USP28: variants seen among roughly 807,000 people sequenced by gnomAD.
USP28 encodes the protein ubiquitin specific peptidase 28.
A neutral mutation model predicts 145.0 loss-of-function variants in USP28; 113 were observed. The observed-to-expected ratio is 0.78, with a 90% CI of 0.67 to 0.91. USP28 has a LOEUF of 0.91. USP28 is among the 40% of genes least tolerant of loss of function. The probability of loss-of-function intolerance (pLI) is 0.00; values close to 1 mark genes in which losing one functional copy is unlikely to be tolerated. For synonymous variants in USP28, 447 were observed against 450.9 expected, an observed-to-expected ratio of 0.99 and a Z score of 0.11; for missense variants, 1,201 against 1,289.6, an observed-to-expected ratio of 0.93 and a Z score of 1.05.
chr11:113,875,365 C>T, intron 1 of USP28, 80 bp downstream of exon 1: 1 of 1,112,176 alleles, frequency 9.0e-7, no homozygotes, highest in Non-Finnish European at 1.1e-6. Context: ...AGCCCGCAAC[C>T]CGCAGCCCTG....
At chr11:113,804,159 T>C (rs1254298066) in intron 21 of USP28, among the ~76,000 whole-genome samples, 1 of 152,232 alleles carries the variant, frequency 6.6e-6, no homozygotes. Flanking sequence ...ATGTAAAAGA[T>C]ATTCAGCTCT....
chr11:113,874,870 C>T, intron 1 of USP28: 1 of 1,001,952 alleles, frequency 1.0e-6, no homozygotes, highest in Middle Eastern at 5.0e-4. Flanking sequence ...TCCTCCCCCT[C>T]CTTAAAAATC....
chr11:113,823,386 ACT>A (rs1223674789), intron 12 of USP28, among the ~76,000 whole-genome samples: 3 of 152,066 alleles, frequency 2.0e-5, no homozygotes, highest in Non-Finnish European at 4.4e-5. Context: ...TAACTGTGTG[ACT>A]CTGAGTCACT....
At chr11:113,852,684 A>C (rs1482719700) in intron 2 of USP28, 51 bp from the exon 3 acceptor site, 15 of 1,602,800 alleles carry the variant, frequency 9.4e-6, no homozygotes, top group Middle Eastern at 1.7e-4. Context: ...TAGAATTTAA[A>C]ACCAGTTTTG....
Position 113,830,851 on chromosome 11 carries a change from A to G in USP28, c.910+16T>C, listed in dbSNP as rs1943899080. The G allele has an allele frequency of 6.2e-7, 1 of 1,609,208 alleles. No individual in the cohort carries two copies. Among genetic ancestry groups the G allele is most frequent in the South Asian group, 1.1e-5 (1 of 90,922 alleles). On this transcript the variant is annotated intron_variant, in intron 9 of 24. Transcript: ENST00000003302. ...GATCAAAGGTCTAGAATTAAAATTC[A>G]GAGCAGAGAATTTACCTTCACGAAC...
intron 24 of USP28, among the ~76,000 whole-genome samples, chr11:113,800,840 G>A (rs934246043): frequency 6.9e-6 from 1 of 145,330 alleles, no homozygotes; most frequent in Admixed American, 7.2e-5. Flanking sequence ...TACTCTGCAT[G>A]ATTTTTTTTT....
chr11:113,821,087 G>T, intron 12 of USP28: 2 of 243,262 alleles, frequency 8.2e-6, no homozygotes, highest in South Asian at 1.3e-4. Context: ...ACTGGTGAGG[G>T]ACTTGGGATG....
At chr11:113,817,625 T>C (rs371029283) in intron 13 of USP28, 33 bp downstream of exon 13, 2 of 1,607,346 alleles carry the variant, frequency 1.2e-6, no homozygotes, top group Admixed American at 1.7e-5. Context: ...AGAAAAACAA[T>C]ACATACCATT....
chr11:113,840,854 C>T, intron 4 of USP28, 97 bp from the exon 5 acceptor site: 3 of 1,413,126 alleles, frequency 2.1e-6, no homozygotes, highest in Non-Finnish European at 2.8e-6. Context: ...TAATTCAAAA[C>T]ACCAGAAAAA....
At chr11:113,821,579 G>T in intron 12 of USP28, 1 of 187,812 alleles carries the variant, frequency 5.3e-6, no homozygotes, top group South Asian at 1.1e-4. Flanking sequence ...AAGGGGCAGG[G>T]GACAGCCATG....
exon 5 of USP28, chr11:113,840,703 T>G: frequency 1.2e-6 from 2 of 1,614,264 alleles, no homozygotes; most frequent in Non-Finnish European, 1.7e-6. Context: ...CTCCCCAGAC[T>G]TCACAGCGTT....
intron 1 of USP28, among the ~76,000 whole-genome samples, chr11:113,857,243 T>C (rs1947151150): frequency 6.6e-6 from 1 of 152,190 alleles, no homozygotes; most frequent in Admixed American, 6.5e-5. Flanking sequence ...TTCTTTCACA[T>C]ATTTCTCGGC....
intron 1 of USP28, among the ~76,000 whole-genome samples, chr11:113,864,925 C>T (rs1399808575): frequency 6.6e-6 from 1 of 152,054 alleles, no homozygotes; most frequent in Non-Finnish European, 1.5e-5. Flanking sequence ...CAACCTCCAC[C>T]CTGTAAGCTC....
intron 3 of USP28, among the ~76,000 whole-genome samples, chr11:113,845,096 G>T (rs1167467734): frequency 1.3e-5 from 2 of 150,244 alleles, no homozygotes; most frequent in South Asian, 2.1e-4. Context: ...CTCCAACCTG[G>T]GTAACAGTGA....
chr11:113,800,176 T>C (rs1352526912), intron 24 of USP28, among the ~76,000 whole-genome samples: 5 of 151,952 alleles, frequency 3.3e-5, no homozygotes, highest in Non-Finnish European at 7.4e-5. Flanking sequence ...CGGCTAATTT[T>C]TTGTATTTTT....
chr11:113,807,306 C>T (rs915599959), intron 18 of USP28, among the ~76,000 whole-genome samples: 2 of 152,006 alleles, frequency 1.3e-5, no homozygotes, highest in Non-Finnish European at 1.5e-5. Flanking sequence ...ACTCCCGACC[C>T]GAGGTGATCC....
rs956922532 is a variant in USP28 at position 113,817,956 on chromosome 11, A to G, written c.1284-119T>C. 5 of 1,065,924 alleles carry G rather than the reference A, an allele frequency of 4.7e-6. No individual in the cohort carries two copies. In the African/African-American group the frequency reaches 4.8e-5, roughly 10 times the overall value. The allele number at this position is 1,065,924 out of a possible 1,614,324, so 66.0% of individuals were successfully genotyped here. A position where few individuals can be genotyped will look rare whatever the true frequency, so the allele number is the denominator to read the frequency against. Reference sequence around the variant, plus strand: ...GGAAAGGCTTATTCCTAGAGGCTATACAATATTTAATAGGGTCCTCAAACA... The same window carrying G: ...GGAAAGGCTTATTCCTAGAGGCTATGCAATATTTAATAGGGTCCTCAAACA... On this transcript the variant is annotated intron_variant, in intron 12 of 24. Transcript: ENST00000003302.
chr11:113,836,513 A>G (rs908868659), intron 5 of USP28, among the ~76,000 whole-genome samples: 2 of 152,174 alleles, frequency 1.3e-5, no homozygotes, highest in Non-Finnish European at 2.9e-5. Flanking sequence ...GATTCACTGA[A>G]GACTGTCATC....
chr11:113,822,883 A>C (rs1942835370), intron 12 of USP28, among the ~76,000 whole-genome samples: 1 of 152,116 alleles, frequency 6.6e-6, no homozygotes, highest in African/African-American at 2.4e-5. Flanking sequence ...CCTGGTATGG[A>C]AAGTGTTGCC....
Sources: allele counts gnomAD v4.1 joint callset (sites outside exome capture counted in the v4.1 genomes callset), GRCh38; gene constraint gnomAD v4.1.1; transcripts MANE v1.5; gene names NCBI Gene and HGNC (gene_info 2026-07-23, HGNC 2026-07-21).